Variants in TEAD3 observed in about 807,000 individuals in gnomAD.
TEAD3 encodes transcriptional enhancer factor TEF-5.
A neutral mutation model predicts 55.6 loss-of-function variants in TEAD3; 15 were observed. The ratio of observed to expected loss-of-function variants is 0.27; its 90% CI spans 0.18 to 0.42. TEAD3 has a LOEUF of 0.42. TEAD3 is among the 10% of genes least tolerant of loss of function. The probability of loss-of-function intolerance (pLI) is 1.00; values close to 1 mark genes in which losing one functional copy is unlikely to be tolerated. For synonymous variants in TEAD3, 210 were observed against 232.2 expected (o/e 0.90, Z 0.87); for missense variants, 407 against 576.8 (o/e 0.71, Z 3.01).
Position 35,485,483 on chromosome 6 carries a change from C to A in TEAD3, c.203-859G>T, listed in dbSNP as rs1001116472. Reference sequence around the variant, plus strand: ...TCTACCCCCAAATCCAGGCTCTCTGCCCTCCAACCCAAGGCCTCCCCAGAA... The same window carrying A: ...TCTACCCCCAAATCCAGGCTCTCTGACCTCCAACCCAAGGCCTCCCCAGAA... On this transcript the variant is annotated intron_variant, in intron 2 of 12. Coordinates refer to ENST00000639578, the Ensembl canonical transcript of TEAD3. This position sits in a 1 kb window ranked among gnomAD's most constrained non-coding sequence, Gnocchi z 4.3. 7.0e-4 allele frequency among the ~76,000 whole-genome samples: 107 copies of A among 152,326 alleles called. No homozygotes were observed. The highest frequency in any genetic ancestry group is 2.2e-3 in the African/African-American group (93 of 41,562).
At position 35,484,821 on chromosome 6, in the gene TEAD3, C is replaced by T. The variant is rs1581726033; in HGVS notation, c.203-197G>A. ...AGTCACAGCTGCATCCTACCACCTC[C>T]AGGACCTAGAGGGGCTGCTCTTCAG... On this transcript the variant is annotated intron_variant, in intron 2 of 12. Transcript: ENST00000639578. This position sits in a 1 kb window ranked among gnomAD's most constrained non-coding sequence, Gnocchi z 5.8. 6.6e-6 allele frequency among the ~76,000 whole-genome samples: 1 copy of T among 152,188 alleles called. No individual in the cohort carries two copies.
At chr6:35,481,663 A>G (rs529437500) in intron 3 of TEAD3, among the ~76,000 whole-genome samples, 202 of 152,318 alleles carry the variant, frequency 1.3e-3, no homozygotes, top group African/African-American at 4.5e-3. Context: ...AATATCCCTG[A>G]CTTACAGATA....
chr6:35,479,814 C>T (rs1768230322), intron 4 of TEAD3, among the ~76,000 whole-genome samples: 1 of 152,250 alleles, frequency 6.6e-6, no homozygotes, highest in Non-Finnish European at 1.5e-5. Flanking sequence ...TAGTAAGCAG[C>T]AGTCAGGAAG....
Position 35,488,879 on chromosome 6 carries a change from G to A in TEAD3, c.-49-2168C>T, listed in dbSNP as rs527735916. 9.3e-4 allele frequency among the ~76,000 whole-genome samples: 142 copies of A among 152,020 alleles called. No individual in the cohort carries two copies. The highest frequency in any genetic ancestry group is 3.3e-3 in the African/African-American group (135 of 41,500). ...GCCTCCCCCCTCAGCATGGTGGCACGCACCTGTAGCTGGGATTACAGGCGC... is the reference window on the plus strand; with the variant it reads ...GCCTCCCCCCTCAGCATGGTGGCACACACCTGTAGCTGGGATTACAGGCGC... On this transcript the variant is annotated intron_variant, in intron 1 of 12. Transcript: ENST00000639578. This position sits in a 1 kb window ranked among gnomAD's most constrained non-coding sequence, Gnocchi z 4.2.
rs545844635 is a variant in TEAD3 at position 35,480,093 on chromosome 6, C to T, written c.297G>A (p.Arg99=). ...TAGACTGAATCTCCCGAGATTTCCG[C>T]CTGGCTAGAACTTGCAAGTGGCTAG... Residue 99 remains arginine (R), a synonymous_variant, in exon 4 of 13, where the codon AGG becomes AGA. Coordinates refer to ENST00000639578, the Ensembl canonical transcript of TEAD3. 8.1e-5 allele frequency: 124 copies of T among 1,538,990 alleles called. No individual in the cohort carries two copies. The South Asian group carries it at 1.4e-3, about 17-fold the overall frequency.
chr6:35,488,113 G>A lies in TEAD3; in HGVS notation c.-49-1402C>T, dbSNP rs1768426231. On this transcript the variant is annotated intron_variant, in intron 1 of 12. Coordinates refer to ENST00000639578, the Ensembl canonical transcript of TEAD3. The surrounding 1 kb of genome is among the most constrained non-coding windows in gnomAD (Gnocchi z 4.2). ...CTGCCAAGGGGCCTAATGTAGGGCAGGAACTGCCCCAGGAATTACAAAAAG... is the reference window on the plus strand; with the variant it reads ...CTGCCAAGGGGCCTAATGTAGGGCAAGAACTGCCCCAGGAATTACAAAAAG... 6.6e-6 allele frequency among the ~76,000 whole-genome samples: 1 copy of A among 152,218 alleles called. No homozygotes were observed. The highest frequency in any genetic ancestry group is 2.1e-4 in the South Asian group (1 of 4,834).
chr6:35,474,607 T>G (rs1448436460), downstream of TEAD3: 2 of 167,774 alleles, frequency 1.2e-5, no homozygotes, highest in African/African-American at 4.8e-5. Flanking sequence ...CCCTCTGTCC[T>G]CAGTCCAACC....
At chr6:35,481,760 C>T (rs1268879492) in intron 3 of TEAD3, among the ~76,000 whole-genome samples, 1 of 152,130 alleles carries the variant, frequency 6.6e-6, no homozygotes, top group Non-Finnish European at 1.5e-5. Flanking sequence ...ACTCCAGAGC[C>T]CACTCTGACT....
intron 1 of TEAD3, among the ~76,000 whole-genome samples, chr6:35,493,482 G>T (rs1217619225): frequency 6.6e-6 from 1 of 152,078 alleles, no homozygotes; most frequent in Non-Finnish European, 1.5e-5. Context: ...CACGCCCCAC[G>T]GTTTCTCTCA....
chr6:35,493,780 C>T (rs140700592), intron 1 of TEAD3, among the ~76,000 whole-genome samples: 75 of 152,376 alleles, frequency 4.9e-4, no homozygotes, highest in African/African-American at 1.6e-3. Flanking sequence ...CGCGCCCGCG[C>T]GCTCACATAC....
At chr6:35,479,792 T>C (rs1265070585) in intron 4 of TEAD3, among the ~76,000 whole-genome samples, 1 of 152,050 alleles carries the variant, frequency 6.6e-6, no homozygotes, top group East Asian at 1.9e-4. Context: ...CCCACGGAAG[T>C]CCCCATGCAG....
chr6:35,494,637 G>A (rs1232629927), intron 1 of TEAD3, among the ~76,000 whole-genome samples: 1 of 152,166 alleles, frequency 6.6e-6, no homozygotes, highest in Non-Finnish European at 1.5e-5. Context: ...AAGCTGCAGC[G>A]TTTAGACCCC....
intron 3 of TEAD3, among the ~76,000 whole-genome samples, chr6:35,482,764 T>TA (rs988825013): frequency 2.0e-4 from 30 of 152,110 alleles, no homozygotes; most frequent in Non-Finnish European, 3.1e-4. Context: ...TTATAAAACT[T>TA]AAAAAAACCA....
chr6:35,480,163 G>A (rs72894775), intron 3 of TEAD3, 149 bp downstream of exon 4: 49,432 of 1,549,912 alleles, frequency 0.032, 902 homozygotes, highest in Middle Eastern at 0.045. Flanking sequence ...CAGAAAGAGC[G>A]GAAGGAGAGG....
chr6:35,480,211 G>A (rs1327600168), intron 3 of TEAD3, 101 bp downstream of exon 4: 1 of 1,555,356 alleles, frequency 6.4e-7, no homozygotes, highest in South Asian at 1.2e-5. Flanking sequence ...GGCACAGTGG[G>A]GCTGGAGAGC....
chr6:35,485,857 G>T lies in TEAD3; in HGVS notation c.202+604C>A, dbSNP rs1768365150. Among the ~76,000 whole-genome samples, 1 of 152,180 alleles carries T rather than the reference G, an allele frequency of 6.6e-6. No homozygotes were observed. The highest frequency in any genetic ancestry group is 2.1e-4 in the South Asian group (1 of 4,836). On this transcript the variant is annotated intron_variant, in intron 2 of 12. Transcript: ENST00000639578. The surrounding 1 kb of genome is among the most constrained non-coding windows in gnomAD (Gnocchi z 4.3). ...AGCTGGCCAGGAACCAGGCCCAGAAGGGTCGAGTTATCCCAAAAATGCAGC... is the reference window on the plus strand; with the variant it reads ...AGCTGGCCAGGAACCAGGCCCAGAATGGTCGAGTTATCCCAAAAATGCAGC...
At chr6:35,478,193 G>A (rs915698337) in intron 7 of TEAD3, 82 bp downstream of exon 7, 3 of 1,554,356 alleles carry the variant, frequency 1.9e-6, no homozygotes, top group African/African-American at 1.4e-5. Flanking sequence ...TTGCTCAGCT[G>A]TTGCTGGAGC....
Position 35,486,190 on chromosome 6 carries a change from C to G in TEAD3, c.202+271G>C, listed in dbSNP as rs1379626999. Reference sequence around the variant, plus strand: ...GACTGGGCTGACCCACTTTCTTGGGCCCACTGAGTCACCTCGAAACCTCCA... The same window carrying G: ...GACTGGGCTGACCCACTTTCTTGGGGCCACTGAGTCACCTCGAAACCTCCA... On this transcript the variant is annotated intron_variant, in intron 2 of 12. Transcript: ENST00000639578. This position sits in a 1 kb window ranked among gnomAD's most constrained non-coding sequence, Gnocchi z 7.3. Among the ~76,000 whole-genome samples the G allele has an allele frequency of 6.6e-6, 1 of 152,234 alleles. No homozygotes were observed. The highest frequency in any genetic ancestry group is 1.5e-5 in the Non-Finnish European group (1 of 68,034).
intron 3 of TEAD3, among the ~76,000 whole-genome samples, chr6:35,482,864 C>T (rs1052552725): frequency 3.9e-5 from 6 of 152,180 alleles, no homozygotes; most frequent in African/African-American, 1.4e-4. Flanking sequence ...GAGAAGGACC[C>T]GCTGAGAGTT....
Sources: gnomAD v4.1 joint callset for allele counts (sites outside exome capture counted in the v4.1 genomes callset) on GRCh38, gnomAD v4.1.1 for gene constraint, Gnocchi (gnomAD v3.1) non-coding constraint, MANE v1.5 for transcripts, NCBI Gene and HGNC (gene_info 2026-07-23, HGNC 2026-07-21) for gene names.